The following AGPAT5 variants were observed in gnomAD, a reference collection of about 807,000 sequenced individuals.
The protein encoded by AGPAT5 is 1-acylglycerol-3-phosphate O-acyltransferase 5, also known as 1-acyl-sn-glycerol-3-phosphate acyltransferase epsilon.
Under a neutral mutation model 45.6 loss-of-function variants are expected in AGPAT5, and 46 were observed. That is an observed-to-expected ratio of 1.01 (90% CI 0.80 to 1.29). AGPAT5 has a LOEUF of 1.29. Among genes scored for constraint, AGPAT5 ranks in the 50% most tolerant of loss-of-function variants. AGPAT5 has a pLI of 0.00. For synonymous variants in AGPAT5, 272 were observed against 167.0 expected (o/e 1.63, Z -4.85); for missense variants, 673 against 450.7 (o/e 1.49, Z -4.47).
rs546366991 is a variant in AGPAT5 at position 6,758,360 on chromosome 8, C to T, written c.*972C>T. 7.7e-4 allele frequency: 118 copies of T among 152,788 alleles called. 2 individuals are homozygous for T. Among genetic ancestry groups the T allele is most frequent in the African/African-American group, 2.7e-3 (114 of 41,576 alleles). 9.5% of individuals were successfully genotyped at this position (152,788 alleles called of 1,614,324 possible). A position where few individuals can be genotyped will look rare whatever the true frequency, so the allele number is the denominator to read the frequency against. On this transcript the variant is annotated 3_prime_UTR_variant, in exon 8 of 8. Transcript: ENST00000285518. ...TCTTTGATTTCACAGAATATTCATT[C>T]AGAAGTCGCGTTTCTGTAGTGTGGT...
intron 1 of AGPAT5, among the ~76,000 whole-genome samples, chr8:6,720,687 A>G (rs192675369): frequency 2.0e-5 from 3 of 152,360 alleles, no homozygotes; most frequent in Admixed American, 1.3e-4. Flanking sequence ...ACGCAGATCC[A>G]GTACAGAGGG....
intron 4 of AGPAT5, among the ~76,000 whole-genome samples, chr8:6,737,401 T>C (rs184542718): frequency 1.1e-4 from 16 of 152,352 alleles, no homozygotes; most frequent in Non-Finnish European, 2.1e-4. Flanking sequence ...TATTCCATGA[T>C]TGTATCAGTT....
intron 3 of AGPAT5, among the ~76,000 whole-genome samples, chr8:6,731,242 C>G (rs535130350): frequency 1.6e-4 from 25 of 152,182 alleles, no homozygotes; most frequent in Non-Finnish European, 3.2e-4. Context: ...ATAGTTTATT[C>G]TCAGTTGAAG....
rs142776834 is a variant in AGPAT5 at position 6,744,804 on chromosome 8, C to T, written c.587-2866C>T. Among the ~76,000 whole-genome samples the T allele has an allele frequency of 9.9e-3, 1,502 of 152,300 alleles. 21 individuals are homozygous for T. Among genetic ancestry groups the T allele is most frequent in the Middle Eastern group, 0.02 (6 of 294 alleles). ...CTTCTGCAGCTCTTGTCTGCCCCAG[C>T]CCCGGGGTCTGCCCATCCCAGTGCT... On this transcript the variant is annotated intron_variant, in intron 5 of 7. Transcript: ENST00000285518.
intron 1 of AGPAT5, among the ~76,000 whole-genome samples, chr8:6,724,088 C>G (rs1418126008): frequency 6.6e-6 from 1 of 152,154 alleles, no homozygotes; most frequent in East Asian, 1.9e-4. Flanking sequence ...CACAAAACAG[C>G]AGAAGGACTA....
rs2911984 is a variant in AGPAT5, at chr8:6,708,665, G to A, written c.-4G>A. The stretch of plus-strand genomic sequence containing the variant: ...GCGGAGCTCGCTGCCGCCGAGCTGA[G>A]AAGATGCTGCTGTCCCTGGTGCTCC... On this transcript the variant is annotated 5_prime_UTR_variant, in exon 1 of 8. Transcript: ENST00000285518. 0.046 allele frequency: 72,725 copies of A among 1,565,402 alleles called. 1,929 individuals carry two copies. The highest frequency in any genetic ancestry group is 0.053 in the Non-Finnish European group (61,892 of 1,162,598).
At chr8:6,716,099 C>CATGAT (rs1800320283) in intron 1 of AGPAT5, among the ~76,000 whole-genome samples, 1 of 152,102 alleles carries the variant, frequency 6.6e-6, no homozygotes, top group African/African-American at 2.4e-5. Flanking sequence ...ATGATGTTAC[C>CATGAT]CCATCTCATT....
chr8:6,753,730 A>C (rs1171925782), intron 6 of AGPAT5, among the ~76,000 whole-genome samples: 1 of 152,250 alleles, frequency 6.6e-6, no homozygotes, highest in Non-Finnish European at 1.5e-5. Context: ...TTGATTATTC[A>C]GATGATAGTA....
intron 1 of AGPAT5, among the ~76,000 whole-genome samples, chr8:6,713,264 C>G (rs112676822): frequency 2.0e-5 from 3 of 152,344 alleles, no homozygotes; most frequent in African/African-American, 7.2e-5. Flanking sequence ...GCCACCATGC[C>G]TAGCCCCTAA....
At chr8:6,736,400 CA>C (rs1801055342) in intron 4 of AGPAT5, among the ~76,000 whole-genome samples, 1 of 152,082 alleles carries the variant, frequency 6.6e-6, no homozygotes. Flanking sequence ...TGGTTTTTGT[CA>C]AATCTGTTAT....
intron 3 of AGPAT5, 45 bp downstream of exon 3, chr8:6,730,871 ATT>A (rs59149072): frequency 6.9e-3 from 6,422 of 926,276 alleles, no homozygotes; most frequent in South Asian, 0.01. Flanking sequence ...TAGTTTATAA[ATT>A]TTTTTTTTTT....
intron 4 of AGPAT5, among the ~76,000 whole-genome samples, chr8:6,737,461 A>G (rs1801094376): frequency 6.6e-6 from 1 of 152,240 alleles, no homozygotes; most frequent in African/African-American, 2.4e-5. Context: ...TTCAAAAAAT[A>G]TATTTGTATT....
chr8:6,743,148 A>G (rs1270340149), intron 5 of AGPAT5, among the ~76,000 whole-genome samples: 1 of 152,076 alleles, frequency 6.6e-6, no homozygotes, highest in African/African-American at 2.4e-5. Context: ...ATTACTTCCT[A>G]GCCTCCTTTC....
chr8:6,724,778 A>T, intron 1 of AGPAT5, 92 bp from the exon 2 acceptor site: 1 of 402,966 alleles, frequency 2.5e-6, no homozygotes. Flanking sequence ...AATATTCACA[A>T]CATCATTCGT....
chr8:6,709,366 C>T (rs992687122), intron 1 of AGPAT5: 1 of 169,158 alleles, frequency 5.9e-6, no homozygotes, highest in African/African-American at 2.4e-5. Context: ...GAAATGAATA[C>T]ATTTGTTAAC....
chr8:6,751,659 C>G (rs1801657989), intron 6 of AGPAT5, among the ~76,000 whole-genome samples: 2 of 152,140 alleles, frequency 1.3e-5, no homozygotes, highest in African/African-American at 4.8e-5. Context: ...TTCTTGTAAT[C>G]ATGGAAGATG....
In AGPAT5 at chr8:6,729,471, G is replaced by A. The variant is rs75097495; in HGVS notation, c.290-1240G>A. Among the ~76,000 whole-genome samples, 520 of 150,710 alleles carry A rather than the reference G, an allele frequency of 3.5e-3. 3 individuals carry two copies. The highest frequency in any genetic ancestry group is 0.012 in the African/African-American group (497 of 40,762). On this transcript the variant is annotated intron_variant, in intron 2 of 7. Coordinates refer to ENST00000285518, the MANE Select transcript of AGPAT5 (RefSeq NM_018361.5). ...ATTAACAGTTTTCTTTTCGAGTATCGTTGAGCTCATGTGTGTATTAACTAG... is the reference window on the plus strand; with the variant it reads ...ATTAACAGTTTTCTTTTCGAGTATCATTGAGCTCATGTGTGTATTAACTAG...
intron 6 of AGPAT5, among the ~76,000 whole-genome samples, chr8:6,749,682 T>G (rs988483350): frequency 6.6e-6 from 1 of 152,248 alleles, no homozygotes; most frequent in Non-Finnish European, 1.5e-5. Context: ...AAGGAGTTAC[T>G]TACCTATTTT....
At chr8:6,728,164 C>G (rs550583787) in intron 2 of AGPAT5, among the ~76,000 whole-genome samples, 1 of 152,332 alleles carries the variant, frequency 6.6e-6, no homozygotes, top group Non-Finnish European at 1.5e-5. Context: ...TTCCACTCCT[C>G]TCCTCCAAGT....
Sources: allele counts gnomAD v4.1 joint callset (sites outside exome capture counted in the v4.1 genomes callset), GRCh38; gene constraint gnomAD v4.1.1; transcripts MANE v1.5; gene names NCBI Gene and HGNC (gene_info 2026-07-23, HGNC 2026-07-21).